NPAS2: variants seen among roughly 807,000 people sequenced by gnomAD.
NPAS2 encodes the protein neuronal PAS domain-containing protein 2.
Under a neutral mutation model 107.5 loss-of-function variants are expected in NPAS2, and 23 were observed. The observed-to-expected ratio is 0.21, with a 90% CI of 0.15 to 0.30. NPAS2 has a LOEUF of 0.30. Ranked by LOEUF, NPAS2 falls within the 10% of genes least tolerant of loss-of-function variation. The pLI, the probability that NPAS2 is intolerant of heterozygous loss-of-function variation, is 1.00. For synonymous variants in NPAS2, 403 were observed against 417.5 expected, an observed-to-expected ratio of 0.97 and a Z score of 0.42; for missense variants, 756 against 1,043.3, an observed-to-expected ratio of 0.72 and a Z score of 3.79.
chr2:100,926,997 G>A lies in NPAS2; in HGVS notation c.181+1703G>A, dbSNP rs1407166620. 2.1e-4 allele frequency among the ~76,000 whole-genome samples: 31 copies of A among 145,096 alleles called. No homozygotes were observed. The South Asian group carries it at 2.8e-3, about 13-fold the overall frequency. ...TCTGTCACCAAGACTGGAGTGCAGCGGCGTGATCTAGGCTCACTGCAAGCT... is the reference window on the plus strand; with the variant it reads ...TCTGTCACCAAGACTGGAGTGCAGCAGCGTGATCTAGGCTCACTGCAAGCT... On this transcript the variant is annotated intron_variant, in intron 3 of 20. Transcript: ENST00000335681.
chr2:100,959,104 AAAAAAC>A (rs1438818236), intron 7 of NPAS2, among the ~76,000 whole-genome samples: 3 of 60,124 alleles, frequency 5.0e-5, no homozygotes, highest in Non-Finnish European at 9.1e-5. Flanking sequence ...AAAAAAAAAA[AAAAAAC>A]AAAACTAAAA....
In NPAS2 at chr2:100,895,089, C is replaced by T. The variant is rs569802601; in HGVS notation, c.-22-9644C>T. 2.0e-5 allele frequency among the ~76,000 whole-genome samples: 3 copies of T among 147,234 alleles called. No homozygotes were observed. The East Asian group carries it at 5.9e-4, about 29-fold the overall frequency. ...AGTATTCTAGACAGCGTATGTGTGT[C>T]TGTCTGTCCATCATGCGTACACACA... On this transcript the variant is annotated intron_variant, in intron 1 of 20. Transcript: ENST00000335681.
intron 2 of NPAS2, among the ~76,000 whole-genome samples, chr2:100,921,588 C>T (rs1054487679): frequency 6.6e-6 from 1 of 152,124 alleles, no homozygotes; most frequent in Non-Finnish European, 1.5e-5. Flanking sequence ...TGACAAACAG[C>T]CCAACTGGAA....
At chr2:100,990,665 T>A (rs1041908194) in intron 18 of NPAS2, 115 bp from the exon 19 acceptor site, 15 of 1,078,982 alleles carry the variant, frequency 1.4e-5, no homozygotes, top group Admixed American at 1.9e-5. Context: ...GCCAGGAGAG[T>A]GGGGATTAGA....
intron 4 of NPAS2, among the ~76,000 whole-genome samples, 161 bp from the exon 5 acceptor site, chr2:100,937,592 G>A (rs1256113577): frequency 6.6e-6 from 1 of 152,212 alleles, no homozygotes; most frequent in Non-Finnish European, 1.5e-5. Context: ...GTAAGAAGCT[G>A]TCCTCCGTGG....
At chr2:100,881,149 G>A (rs1680305171) in intron 1 of NPAS2, among the ~76,000 whole-genome samples, 1 of 152,230 alleles carries the variant, frequency 6.6e-6, no homozygotes, top group Non-Finnish European at 1.5e-5. Context: ...AGCTTTAGGT[G>A]GAAACAGATG....
At chr2:100,864,102 G>A (rs796461328) in intron 1 of NPAS2, among the ~76,000 whole-genome samples, 5 of 152,310 alleles carry the variant, frequency 3.3e-5, no homozygotes, top group African/African-American at 1.2e-4. Context: ...ATGCTTGGTG[G>A]GAATTTGGTT....
chr2:100,911,645 T>G (rs1308809549), intron 2 of NPAS2, among the ~76,000 whole-genome samples: 2 of 152,148 alleles, frequency 1.3e-5, no homozygotes, highest in African/African-American at 4.8e-5. Flanking sequence ...CAATTTTTTT[T>G]TTTTGAGACA....
At chr2:100,861,608 C>G (rs1332673851) in intron 1 of NPAS2, among the ~76,000 whole-genome samples, 1 of 152,068 alleles carries the variant, frequency 6.6e-6, no homozygotes, top group Non-Finnish European at 1.5e-5. Context: ...GTCTGGGACA[C>G]AGGAAGGAGG....
rs1157236604 is a variant in NPAS2, at chr2:100,965,299, T to G, written c.800+356T>G. ...TTAGCCCAATCTTTACTGTTTCTTTTGTAACATTATTTGCAGTTGAAGAAC... is the reference window on the plus strand; with the variant it reads ...TTAGCCCAATCTTTACTGTTTCTTTGGTAACATTATTTGCAGTTGAAGAAC... On this transcript the variant is annotated intron_variant, in intron 9 of 20. Transcript: ENST00000335681. This position sits in a 1 kb window ranked among gnomAD's most constrained non-coding sequence, Gnocchi z 4.3. Among the ~76,000 whole-genome samples, 1 of 152,204 alleles carries G rather than the reference T, an allele frequency of 6.6e-6. No individual in the cohort carries two copies. Among genetic ancestry groups the G allele is most frequent in the Non-Finnish European group, 1.5e-5 (1 of 68,026 alleles).
Position 100,949,350 on chromosome 2 carries a change from T to C in NPAS2, c.485-17T>C, listed in dbSNP as rs1330996060. On this transcript the variant is annotated splice_polypyrimidine_tract_variant and intron_variant, in intron 6 of 20. Coordinates refer to ENST00000335681, the MANE Select transcript of NPAS2 (RefSeq NM_002518.4). ...CTCACGACCCCTTTCTCTCCTCTTCTTCCTTTAACGGCCCAGCTGACAGCG... is the reference window on the plus strand; with the variant it reads ...CTCACGACCCCTTTCTCTCCTCTTCCTCCTTTAACGGCCCAGCTGACAGCG... The C allele has an allele frequency of 6.7e-7, 1 of 1,500,602 alleles. No homozygotes were observed. Among genetic ancestry groups the C allele is most frequent in the Admixed American group, 1.7e-5 (1 of 59,856 alleles). The allele number at this position is 1,500,602 out of a possible 1,614,324, so 93.0% of individuals were successfully genotyped here. A position where few individuals can be genotyped will look rare whatever the true frequency, so the allele number is the denominator to read the frequency against.
chr2:100,920,233 C>A lies in NPAS2; in HGVS notation c.33-4913C>A, dbSNP rs117393205. ...GAATCAGGTTTTGAGATCTATCACA[C>A]AGCAGGGTGACTGTAGTTAATAATA... On this transcript the variant is annotated intron_variant, in intron 2 of 20. Coordinates refer to ENST00000335681, the MANE Select transcript of NPAS2 (RefSeq NM_002518.4). 2.0e-3 allele frequency among the ~76,000 whole-genome samples: 312 copies of A among 152,256 alleles called. 10 individuals are homozygous for A. In the East Asian group the frequency reaches 0.053, roughly 26 times the overall value.
intron 1 of NPAS2, among the ~76,000 whole-genome samples, chr2:100,844,317 C>T (rs895385463): frequency 2.0e-5 from 3 of 152,176 alleles, no homozygotes; most frequent in African/African-American, 7.2e-5. Flanking sequence ...TTGGGAGAGT[C>T]AGGGGTTTTG....
intron 1 of NPAS2, among the ~76,000 whole-genome samples, chr2:100,840,598 C>T (rs1437122783): frequency 1.5e-5 from 2 of 136,828 alleles, no homozygotes; most frequent in African/African-American, 5.4e-5. Flanking sequence ...CTCTCCACAG[C>T]CCCCATTTTT....
intron 1 of NPAS2, among the ~76,000 whole-genome samples, chr2:100,889,750 G>A (rs992317550): frequency 2.0e-5 from 3 of 152,150 alleles, no homozygotes; most frequent in Non-Finnish European, 4.4e-5. Context: ...CAACCAACCA[G>A]GGTTTTCAGA....
chr2:100,937,867 T>C, intron 5 of NPAS2, 25 bp downstream of exon 5: 1 of 1,513,128 alleles, frequency 6.6e-7, no homozygotes, highest in Non-Finnish European at 9.2e-7. Context: ...CAATGGCCTT[T>C]ACCGGTTCAC....
At chr2:100,912,705 G>A (rs1172861059) in intron 2 of NPAS2, among the ~76,000 whole-genome samples, 1 of 152,204 alleles carries the variant, frequency 6.6e-6, no homozygotes, top group Non-Finnish European at 1.5e-5. Context: ...CTCACAACAC[G>A]TGGTTGCATT....
chr2:100,979,821 C>T (rs1031705462), intron 15 of NPAS2, among the ~76,000 whole-genome samples: 36 of 152,144 alleles, frequency 2.4e-4, no homozygotes, highest in African/African-American at 8.4e-4. Flanking sequence ...TGAGCCACCA[C>T]GCCCAGCCAA....
chr2:100,961,563 G>A (rs1026421442), intron 7 of NPAS2, among the ~76,000 whole-genome samples: 1 of 152,146 alleles, frequency 6.6e-6, no homozygotes, highest in African/African-American at 2.4e-5. Context: ...CTTTTGGGGG[G>A]TGCATTTTTA....
Sources: gnomAD v4.1 joint callset for allele counts (sites outside exome capture counted in the v4.1 genomes callset) on GRCh38, gnomAD v4.1.1 for gene constraint, Gnocchi (gnomAD v3.1) non-coding constraint, MANE v1.5 for transcripts, NCBI Gene and HGNC (gene_info 2026-07-23, HGNC 2026-07-21) for gene names.